The following RBFOX1 variants were observed in gnomAD, a reference collection of about 807,000 sequenced individuals.
RBFOX1 encodes RNA binding fox-1 homolog 1.
Under a neutral mutation model 57.7 loss-of-function variants are expected in RBFOX1, and 8 were observed. That is an observed-to-expected ratio of 0.14 (90% CI 0.08 to 0.25). RBFOX1 has a LOEUF of 0.25. Among genes scored for constraint, RBFOX1 ranks in the 10% least tolerant of loss-of-function variants. The probability of loss-of-function intolerance (pLI) is 1.00; values close to 1 mark genes in which losing one functional copy is unlikely to be tolerated. For missense variants in RBFOX1, 611 were observed against 548.5 expected (o/e 1.11, Z -1.14); for synonymous variants, 326 against 222.4 (o/e 1.47, Z -4.15).
At chr16:6,741,956 T>C (rs959900435) in intron 3 of RBFOX1, among the ~76,000 whole-genome samples, 2 of 152,186 alleles carry the variant, frequency 1.3e-5, no homozygotes, top group Non-Finnish European at 2.9e-5. Flanking sequence ...CTGTATTATA[T>C]TCTTGAAAAT....
At chr16:7,680,636 G>T (rs763696703) in intron 14 of RBFOX1, among the ~76,000 whole-genome samples, 12 of 152,082 alleles carry the variant, frequency 7.9e-5, no homozygotes, top group Non-Finnish European at 1.5e-4. Context: ...ATTAATTGCG[G>T]CACCAGGCCA....
chr16:6,913,947 A>G lies in RBFOX1; in HGVS notation c.-15-138110A>G, dbSNP rs542774414. On this transcript the variant is annotated intron_variant, in intron 3 of 15. Coordinates refer to ENST00000550418, the MANE Select transcript of RBFOX1 (RefSeq NM_018723.4). The stretch of plus-strand genomic sequence containing the variant: ...GCCTCTTGGGGTGAAGGATATTATA[A>G]TTATGGATGATTTATACTCCCCACC... Among the ~76,000 whole-genome samples, 8 of 152,306 alleles carry G rather than the reference A, an allele frequency of 5.3e-5. No individual in the cohort carries two copies. In the South Asian group the frequency reaches 1.7e-3, roughly 32 times the overall value.
At chr16:7,260,897 C>A (rs557365993) in intron 4 of RBFOX1, among the ~76,000 whole-genome samples, 1 of 152,186 alleles carries the variant, frequency 6.6e-6, no homozygotes, top group African/African-American at 2.4e-5. Context: ...GATGCAGTCA[C>A]TGGGGTTGGA....
Position 7,288,519 on chromosome 16 carries a change from C to G in RBFOX1, c.28-229628C>G, listed in dbSNP as rs77892268. 4.5e-3 allele frequency among the ~76,000 whole-genome samples: 692 copies of G among 152,286 alleles called. 6 individuals are homozygous for G. The highest frequency in any genetic ancestry group is 0.015 in the African/African-American group (627 of 41,556). On this transcript the variant is annotated intron_variant, in intron 4 of 15. Coordinates refer to ENST00000550418, the MANE Select transcript of RBFOX1 (RefSeq NM_018723.4). ...TAAAACCCTTGGCATAGTGTCTACA[C>G]ACAGTAAATGCTAAGTAATTCTTAA... is the stretch of plus-strand genomic sequence containing the variant.
intron 4 of RBFOX1, among the ~76,000 whole-genome samples, chr16:5,994,761 C>T (rs749862796): frequency 1.9e-4 from 29 of 152,284 alleles, no homozygotes; most frequent in Middle Eastern, 3.4e-3. Flanking sequence ...GTTTGATGAG[C>T]CCTACTCCAC....
At chr16:7,158,897 G>T (rs954641716) in intron 4 of RBFOX1, among the ~76,000 whole-genome samples, 1 of 152,080 alleles carries the variant, frequency 6.6e-6, no homozygotes, top group Non-Finnish European at 1.5e-5. Flanking sequence ...GCACACGTGT[G>T]TGTAATTATT....
chr16:6,098,663 C>T (rs1393551099), intron 1 of RBFOX1, among the ~76,000 whole-genome samples: 1 of 152,210 alleles, frequency 6.6e-6, no homozygotes, highest in Non-Finnish European at 1.5e-5. Flanking sequence ...AGAGTTTATA[C>T]ATTCATTTCC....
At chr16:6,834,646 C>A (rs754725933) in intron 3 of RBFOX1, among the ~76,000 whole-genome samples, 1 of 152,130 alleles carries the variant, frequency 6.6e-6, no homozygotes, top group African/African-American at 2.4e-5. Context: ...ATTGTTGTTA[C>A]TCATAAATGT....
At chr16:7,400,093 C>T (rs1011633983) in intron 4 of RBFOX1, among the ~76,000 whole-genome samples, 6 of 152,128 alleles carry the variant, frequency 3.9e-5, no homozygotes, top group African/African-American at 1.4e-4. Context: ...TTTTCTTAGT[C>T]ACCCAACTAA....
chr16:5,833,639 G>A (rs111517097), intron 3 of RBFOX1, among the ~76,000 whole-genome samples: 6 of 152,146 alleles, frequency 3.9e-5, no homozygotes, highest in Non-Finnish European at 8.8e-5. Context: ...CTCCTTAATT[G>A]AAAGATAAGG....
intron 4 of RBFOX1, among the ~76,000 whole-genome samples, chr16:5,916,610 T>G (rs933913995): frequency 1.1e-4 from 17 of 152,050 alleles, no homozygotes; most frequent in African/African-American, 4.1e-4. Context: ...TGGAACTAAT[T>G]TCAGGGGAAG....
chr16:6,258,128 G>T (rs577276599), intron 1 of RBFOX1, among the ~76,000 whole-genome samples: 1 of 151,976 alleles, frequency 6.6e-6, no homozygotes, highest in African/African-American at 2.4e-5. Flanking sequence ...CTTTTGTAAC[G>T]TTTTATTTAT....
intron 4 of RBFOX1, among the ~76,000 whole-genome samples, chr16:5,878,094 A>G (rs989032395): frequency 1.3e-5 from 2 of 152,218 alleles, no homozygotes; most frequent in Non-Finnish European, 2.9e-5. Context: ...AAGCTTGAAA[A>G]ATAGCAAAGA....
chr16:5,503,668 TC>T (rs1243562755), intron 2 of RBFOX1, among the ~76,000 whole-genome samples: 3 of 152,160 alleles, frequency 2.0e-5, no homozygotes, highest in African/African-American at 7.2e-5. Flanking sequence ...GGTCTTGAAC[TC>T]CTGACCTGAG....
Position 5,444,086 on chromosome 16 carries a change from T to C in RBFOX1, c.220-23130T>C, listed in dbSNP as rs549855813. Among the ~76,000 whole-genome samples the C allele has an allele frequency of 3.9e-3, 187 of 47,404 alleles. 2 individuals carry two copies. The highest frequency in any genetic ancestry group is 0.03 in the African/African-American group (177 of 5,842). 31.1% of individuals were successfully genotyped at this position (47,404 alleles called of 152,430 possible). On this transcript the variant is annotated intron_variant, in intron 1 of 2. Transcript: ENST00000585867. ...ATTGTTCTGTTTGAGCAGAGCATTA[T>C]TGGCAAAGGTGACACTGAGGCATTT... is the stretch of plus-strand genomic sequence containing the variant.
chr16:6,281,598 T>C (rs2076384604), intron 1 of RBFOX1, among the ~76,000 whole-genome samples: 5 of 152,036 alleles, frequency 3.3e-5, no homozygotes, highest in Admixed American at 2.6e-4. Flanking sequence ...ACCTTTGCAT[T>C]ATTTTGTGGG....
chr16:5,692,258 G>T (rs1214747462), intron 3 of RBFOX1, among the ~76,000 whole-genome samples: 1 of 150,768 alleles, frequency 6.6e-6, no homozygotes, highest in Admixed American at 6.6e-5. Flanking sequence ...CCATTTGTTG[G>T]CTTTAAAGAA....
At chr16:7,633,693 G>T (rs1375874297) in intron 11 of RBFOX1, among the ~76,000 whole-genome samples, 1 of 152,136 alleles carries the variant, frequency 6.6e-6, no homozygotes, top group African/African-American at 2.4e-5. Context: ...TTTTGTAATG[G>T]TGACCAACTC....
chr16:6,319,177 A>G (rs79128540), intron 2 of RBFOX1, among the ~76,000 whole-genome samples: 3,699 of 152,218 alleles, frequency 0.024, 61 homozygotes, highest in African/African-American at 0.031. Flanking sequence ...GAATTTGTAC[A>G]TGGCTGACAC....
Sources: allele counts gnomAD v4.1 joint callset (sites outside exome capture counted in the v4.1 genomes callset), GRCh38; gene constraint gnomAD v4.1.1; transcripts MANE v1.5; gene names NCBI Gene and HGNC (gene_info 2026-07-23, HGNC 2026-07-21).